The following NDUFAF7 variants were observed in gnomAD, a reference collection of about 807,000 sequenced individuals.
The protein encoded by NDUFAF7 is NADH:ubiquinone oxidoreductase complex assembly factor 7, also known as protein arginine methyltransferase NDUFAF7, mitochondrial.
Under a neutral mutation model 47.2 loss-of-function variants are expected in NDUFAF7, and 48 were observed. That is an observed-to-expected ratio of 1.02 (90% confidence interval 0.81 to 1.29). The LOEUF is 1.29. Ranked by LOEUF, NDUFAF7 falls within the 50% of genes most tolerant of loss-of-function variation. The pLI is 0.00. For missense variants in NDUFAF7, 635 were observed against 537.6 expected (o/e 1.18, Z -1.79); for synonymous variants, 217 against 190.0 (o/e 1.14, Z -1.17).
At chr2:37,269,785 G>T in the NDUFAF7 span, 1 of 815,476 alleles carries the variant, frequency 1.2e-6, no homozygotes. Context: ...ACATTTTTAT[G>T]TTAGAAGCAG....
At chr2:37,238,607 A>T (rs1408329649) in intron 4 of NDUFAF7, among the ~76,000 whole-genome samples, 1 of 151,852 alleles carries the variant, frequency 6.6e-6, no homozygotes, top group Admixed American at 6.6e-5. Flanking sequence ...AAAAAAAAAA[A>T]GCAGAAGGCA....
At chr2:37,236,849 C>T (rs1665840415) in intron 3 of NDUFAF7, among the ~76,000 whole-genome samples, 1 of 151,016 alleles carries the variant, frequency 6.6e-6, no homozygotes, top group African/African-American at 2.4e-5. Context: ...GGTAGAGTGC[C>T]CAGGAGAGTG....
chr2:37,244,821 C>A (rs770888769), intron 7 of NDUFAF7, among the ~76,000 whole-genome samples: 1 of 152,144 alleles, frequency 6.6e-6, no homozygotes, highest in Non-Finnish European at 1.5e-5. Flanking sequence ...GTATAGCAAT[C>A]TAAGTTTACC....
chr2:37,260,552 T>C, the NDUFAF7 span, among the ~76,000 whole-genome samples: 2 of 152,220 alleles, frequency 1.3e-5, no homozygotes, highest in African/African-American at 2.4e-5. Flanking sequence ...AGGTTTTAAT[T>C]CTCCAAGTTG....
At chr2:37,258,736 A>T in the NDUFAF7 span, among the ~76,000 whole-genome samples, 1 of 152,272 alleles carries the variant, frequency 6.6e-6, no homozygotes, top group South Asian at 2.1e-4. Context: ...TATGATTACT[A>T]CTTTAAAAGC....
At chr2:37,237,655 G>C (rs1332370981) in intron 3 of NDUFAF7, 102 bp from the exon 4 acceptor site, 1 of 819,366 alleles carries the variant, frequency 1.2e-6, no homozygotes. Context: ...TACACATTTT[G>C]CTTTTTGGCA....
At chr2:37,267,653 T>C in the NDUFAF7 span, 1 of 797,092 alleles carries the variant, frequency 1.3e-6, no homozygotes, top group Non-Finnish European at 2.0e-6. Context: ...GGCTCATTTT[T>C]GTTCTTTCTC....
At chr2:37,232,869 A>C (rs774956176) in intron 2 of NDUFAF7, among the ~76,000 whole-genome samples, 1 of 152,180 alleles carries the variant, frequency 6.6e-6, no homozygotes, top group Non-Finnish European at 1.5e-5. Flanking sequence ...ATTTGGTGAA[A>C]GCCTATAGTC....
chr2:37,236,462 G>C (rs888882084), intron 3 of NDUFAF7, among the ~76,000 whole-genome samples: 1 of 151,994 alleles, frequency 6.6e-6, no homozygotes, highest in Middle Eastern at 3.4e-3. Flanking sequence ...ACAGAAAAAG[G>C]AGAATCAGAT....
chr2:37,254,194 T>A (rs1667751665), downstream of NDUFAF7: 1 of 1,592,188 alleles, frequency 6.3e-7, no homozygotes. Context: ...GAGATTACAT[T>A]TTTTTTTACC....
the NDUFAF7 span, among the ~76,000 whole-genome samples, chr2:37,261,122 A>G: frequency 6.6e-6 from 1 of 152,222 alleles, no homozygotes; most frequent in East Asian, 1.9e-4. Flanking sequence ...ACCTGGTTTC[A>G]GTCTTCCAAT....
intron 4 of NDUFAF7, among the ~76,000 whole-genome samples, chr2:37,239,966 A>G (rs750167529): frequency 2.0e-5 from 3 of 152,176 alleles, no homozygotes; most frequent in Non-Finnish European, 4.4e-5. Context: ...TCTCTCTTGT[A>G]TCATTGTTTC....
Position 37,242,712 on chromosome 2 carries a change from A to C in NDUFAF7, c.681+19A>C. On this transcript the variant is annotated intron_variant, in intron 6 of 9. Transcript: ENST00000002125. The stretch of plus-strand genomic sequence containing the variant: ...ATTTCAGGTATTGAGGGGGGAAAAA[A>C]GTCATGTCTATAATTGAATACAAAA... 1 of 1,552,338 alleles carries C rather than the reference A, an allele frequency of 6.4e-7. No individual in the cohort carries two copies. Among genetic ancestry groups the C allele is most frequent in the Non-Finnish European group, 8.9e-7 (1 of 1,124,396 alleles).
the NDUFAF7 span, chr2:37,267,833 C>G: frequency 6.7e-6 from 2 of 297,182 alleles, no homozygotes; most frequent in Non-Finnish European, 1.2e-5. Flanking sequence ...TTACCCTGAC[C>G]TAGTCCTTCA....
intron 2 of NDUFAF7, 105 bp from the exon 3 acceptor site, chr2:37,235,991 C>T: frequency 9.8e-7 from 1 of 1,017,596 alleles, no homozygotes; most frequent in South Asian, 1.3e-5. Context: ...AACTTTCTTA[C>T]TAAATAATTA....
intron 3 of NDUFAF7, 114 bp downstream of exon 3, chr2:37,236,290 T>A: frequency 2.1e-6 from 2 of 939,982 alleles, no homozygotes; most frequent in African/African-American, 1.6e-5. Context: ...TCAAAAGTTT[T>A]AACTTTATAG....
chr2:37,245,774 T>C (rs1226964988), intron 7 of NDUFAF7, among the ~76,000 whole-genome samples: 1 of 152,212 alleles, frequency 6.6e-6, no homozygotes, highest in Non-Finnish European at 1.5e-5. Context: ...TAAATGATAA[T>C]GCTCTAGGCC....
chr2:37,269,486 A>G, the NDUFAF7 span: 2 of 730,490 alleles, frequency 2.7e-6, no homozygotes, highest in African/African-American at 1.8e-5. Flanking sequence ...TAGCTGAAAG[A>G]TAACAAGTCA....
Position 37,243,897 on chromosome 2 carries a change from A to G in NDUFAF7, c.716A>G (p.Asp239Gly), listed in dbSNP as rs1400475638. 5.6e-6 allele frequency: 9 copies of G among 1,613,958 alleles called. No homozygotes were observed. The highest frequency in any genetic ancestry group is 7.6e-6 in the Non-Finnish European group (9 of 1,179,988). The change falls in exon 7 of 10, where the codon GAC (aspartate) becomes GGC (glycine). Residue 239 changes from aspartate to glycine, a missense_variant. Coordinates refer to ENST00000002125, the MANE Select transcript of NDUFAF7 (RefSeq NM_144736.5). ...TPQGWREVFVDIDPQVSDKLR... is the reference protein window; with the variant it reads ...TPQGWREVFVGIDPQVSDKLR... ...CAGGGATGGCGAGAAGTATTTGTTG[A>G]CATTGATCCACAGGTTTCTGATAAA...
Sources: gnomAD v4.1 joint callset for allele counts (sites outside exome capture counted in the v4.1 genomes callset) on GRCh38, gnomAD v4.1.1 for gene constraint, MANE v1.5 for transcripts, NCBI Gene and HGNC (gene_info 2026-07-23, HGNC 2026-07-21) for gene names.